The following NFATC3 variants were observed in gnomAD, a reference collection of about 807,000 sequenced individuals.
NFATC3 encodes nuclear factor of activated T cells 3.
In NFATC3, 46 loss-of-function variants were observed where a neutral mutation model predicts 98.6. The ratio of observed to expected loss-of-function variants is 0.47; its 90% CI spans 0.37 to 0.60. NFATC3 has a LOEUF of 0.60. Among genes scored for constraint, NFATC3 ranks in the 20% least tolerant of loss-of-function variants. The pLI, the probability that NFATC3 is intolerant of heterozygous loss-of-function variation, is 0.00. For synonymous variants in NFATC3, 512 were observed against 472.2 expected (o/e 1.08, Z -1.09); for missense variants, 1,256 against 1,295.5 (o/e 0.97, Z 0.47).
At chr16:68,124,225 C>T (rs1410200608) in intron 2 of NFATC3, among the ~76,000 whole-genome samples, 1 of 151,924 alleles carries the variant, frequency 6.6e-6, no homozygotes, top group Non-Finnish European at 1.5e-5. Flanking sequence ...CCTCAGGCTC[C>T]TGAGTGGCTG....
rs74024146 is a variant in NFATC3 at position 68,119,483 on chromosome 16, C to G, written c.104-2504C>G. Among the ~76,000 whole-genome samples the G allele has an allele frequency of 5.0e-3, 766 of 152,196 alleles. 7 individuals carry two copies. The highest frequency in any genetic ancestry group is 0.017 in the African/African-American group (723 of 41,532). Reference sequence around the variant, plus strand: ...CTAGCCTCTCCCTGACCACCCGTAGCTCTCATTATTCTGCCTCCTTACTCA... The same window carrying G: ...CTAGCCTCTCCCTGACCACCCGTAGGTCTCATTATTCTGCCTCCTTACTCA... On this transcript the variant is annotated intron_variant, in intron 1 of 9. Transcript: ENST00000346183.
chr16:68,164,463 ACG>A (rs957098156), intron 4 of NFATC3, among the ~76,000 whole-genome samples: 1 of 152,154 alleles, frequency 6.6e-6, no homozygotes, highest in Admixed American at 6.5e-5. Flanking sequence ...CATTACACTA[ACG>A]CATAAGTCAC....
intron 8 of NFATC3, among the ~76,000 whole-genome samples, chr16:68,185,644 G>A (rs1209560293): frequency 6.6e-6 from 1 of 152,024 alleles, no homozygotes; most frequent in African/African-American, 2.4e-5. Context: ...GGGAGGCCGA[G>A]GTGGGCGGAT....
intron 3 of NFATC3, among the ~76,000 whole-genome samples, chr16:68,147,374 A>G (rs533012925): frequency 6.6e-6 from 1 of 152,314 alleles, no homozygotes; most frequent in East Asian, 1.9e-4. Context: ...TTTCTATATA[A>G]GAGCAAATTG....
At chr16:68,195,210 G>T (rs113804408) in intron 9 of NFATC3, among the ~76,000 whole-genome samples, 1 of 151,780 alleles carries the variant, frequency 6.6e-6, no homozygotes, top group African/African-American at 2.4e-5. Flanking sequence ...AGCTGAGATC[G>T]CGCCATTGTA....
At chr16:68,205,410 C>T (rs986222567) in intron 9 of NFATC3, among the ~76,000 whole-genome samples, 4 of 151,984 alleles carry the variant, frequency 2.6e-5, no homozygotes, top group Admixed American at 1.3e-4. Flanking sequence ...CCACCACATC[C>T]GGCTAATTTT....
chr16:68,193,436 A>G (rs1202070107), intron 9 of NFATC3, among the ~76,000 whole-genome samples: 2 of 152,118 alleles, frequency 1.3e-5, no homozygotes, highest in Non-Finnish European at 2.9e-5. Context: ...AGGCCAAGGT[A>G]GGAGGATTAC....
chr16:68,157,715 G>A (rs1300261566), intron 3 of NFATC3, among the ~76,000 whole-genome samples, 154 bp from the exon 4 acceptor site: 2 of 152,208 alleles, frequency 1.3e-5, no homozygotes, highest in Non-Finnish European at 2.9e-5. Context: ...AATTTGGAGG[G>A]CTGCTCACTG....
chr16:68,125,944 G>A (rs1371883693), intron 2 of NFATC3, among the ~76,000 whole-genome samples: 1 of 151,922 alleles, frequency 6.6e-6, no homozygotes, highest in Non-Finnish European at 1.5e-5. Context: ...CCAGGCTGGA[G>A]TGCAGTGGCG....
intron 9 of NFATC3, among the ~76,000 whole-genome samples, chr16:68,197,231 CAA>C (rs1173489543): frequency 6.6e-6 from 1 of 152,020 alleles, no homozygotes; most frequent in Non-Finnish European, 1.5e-5. Flanking sequence ...CATATCTGGC[CAA>C]ATGTCCCCTT....
At chr16:68,170,270 A>G (rs1429435657) in intron 5 of NFATC3, among the ~76,000 whole-genome samples, 1 of 150,956 alleles carries the variant, frequency 6.6e-6, no homozygotes, top group Non-Finnish European at 1.5e-5. Flanking sequence ...GTGTGCCTGT[A>G]GTCCCAGCTA....
At chr16:68,187,337 A>T (rs952982308) in intron 8 of NFATC3, among the ~76,000 whole-genome samples, 8 of 152,190 alleles carry the variant, frequency 5.3e-5, no homozygotes, top group Non-Finnish European at 1.0e-4. Context: ...TGAAGGCCGC[A>T]GCTCTTCTCT....
rs1006180036 is a variant in NFATC3, at chr16:68,158,046, C to T, written c.1579C>T (p.Pro527Ser). 40 of 1,612,400 alleles carry T rather than the reference C, an allele frequency of 2.5e-5. No homozygotes were observed. The highest frequency in any genetic ancestry group is 3.3e-5 in the Non-Finnish European group (39 of 1,179,140). ...AAAAGTTCTGGAAATTCCACTTCTT[C>T]CTGAAAATAATATGTCAGCCAGGTA... Reference protein sequence around the residue: ...STKVLEIPLLPENNMSASIDC... With the variant: ...STKVLEIPLLSENNMSASIDC... The change falls in exon 4 of 10, where the codon CCT becomes TCT. Residue 527 changes from proline to serine, a missense_variant. Physicochemically the swap from Pro to Ser is moderately conservative, Grantham distance 74 (BLOSUM62 -1). Coordinates refer to ENST00000346183, the MANE Select transcript of NFATC3 (RefSeq NM_173165.3).
chr16:68,105,091 G>GT (rs1171881277), intron 1 of NFATC3, among the ~76,000 whole-genome samples: 3,284 of 134,622 alleles, frequency 0.024, 130 homozygotes, highest in African/African-American at 0.077. Context: ...GACTGTGTGG[G>GT]TTTTTTTTTT....
At chr16:68,197,171 T>G (rs1048188942) in intron 9 of NFATC3, among the ~76,000 whole-genome samples, 1 of 152,184 alleles carries the variant, frequency 6.6e-6, no homozygotes, top group Admixed American at 6.5e-5. Context: ...CTAGAACTCA[T>G]GGCCTCAAGC....
At chr16:68,127,687 C>CAAA (rs201633690) in intron 3 of NFATC3, among the ~76,000 whole-genome samples, 1 of 85,718 alleles carries the variant, frequency 1.2e-5, no homozygotes, top group African/African-American at 4.3e-5. Flanking sequence ...GACCCTGTCT[C>CAAA]AAAAAAAAAA....
At chr16:68,154,066 A>G (rs934129299) in intron 3 of NFATC3, among the ~76,000 whole-genome samples, 2 of 151,970 alleles carry the variant, frequency 1.3e-5, no homozygotes, top group Non-Finnish European at 2.9e-5. Context: ...ACAGGAGCAC[A>G]CCACCATGCT....
chr16:68,153,850 T>A (rs2038471823), intron 3 of NFATC3, among the ~76,000 whole-genome samples: 1 of 140,736 alleles, frequency 7.1e-6, no homozygotes, highest in Non-Finnish European at 1.5e-5. Context: ...CCTGACCTCG[T>A]GATCTGCCTG....
chr16:68,099,677 A>T (rs966206972), intron 1 of NFATC3, among the ~76,000 whole-genome samples: 4 of 151,978 alleles, frequency 2.6e-5, no homozygotes, highest in Non-Finnish European at 4.4e-5. Context: ...TTATAAGCAC[A>T]TCCTTTTCCC....
Sources: gnomAD v4.1 joint callset for allele counts (sites outside exome capture counted in the v4.1 genomes callset) on GRCh38, gnomAD v4.1.1 for gene constraint, MANE v1.5 for transcripts, NCBI Gene and HGNC (gene_info 2026-07-23, HGNC 2026-07-21) for gene names.